KCNU1: variants seen among roughly 807,000 people sequenced by gnomAD.
KCNU1 encodes the protein potassium channel subfamily U member 1.
KCNU1 carries 93 observed loss-of-function variants against 126.8 expected under a neutral mutation model. The observed-to-expected ratio is 0.73, with a 90% CI of 0.62 to 0.87. The LOEUF is 0.87. KCNU1 is among the 40% of genes least tolerant of loss of function. The pLI is 0.00. For missense variants in KCNU1, 1,330 were observed against 1,367.1 expected (o/e 0.97, Z 0.43); for synonymous variants, 523 against 494.2 (o/e 1.06, Z -0.77).
Position 36,916,877 on chromosome 8 carries a change from T to C in KCNU1, c.2522-1946T>C, listed in dbSNP as rs377316483. Among the ~76,000 whole-genome samples the C allele has an allele frequency of 2.0e-4, 31 of 152,340 alleles. No individual in the cohort carries two copies. In the South Asian group the frequency reaches 2.1e-3, roughly 10 times the overall value. ...AGAAATTTAGTAGAAATCAGAAATA[T>C]ATTCAGCTCTACTCTGCATTAACAA... On this transcript the variant is annotated intron_variant, in intron 22 of 26. Transcript: ENST00000399881.
chr8:36,925,790 C>T (rs994383017), intron 24 of KCNU1, among the ~76,000 whole-genome samples: 5 of 152,164 alleles, frequency 3.3e-5, no homozygotes, highest in African/African-American at 9.7e-5. Flanking sequence ...AGAGTCACTA[C>T]CGCAGCTCCT....
chr8:36,803,000 C>A (rs1171005856), intron 2 of KCNU1, among the ~76,000 whole-genome samples: 2 of 152,160 alleles, frequency 1.3e-5, no homozygotes, highest in Admixed American at 6.5e-5. Context: ...ACATTAAAGA[C>A]CTTTCATGCC....
chr8:36,829,318 T>C (rs1237010680), intron 10 of KCNU1, among the ~76,000 whole-genome samples: 2 of 151,978 alleles, frequency 1.3e-5, no homozygotes, highest in East Asian at 1.9e-4. Context: ...AAAGCACTTA[T>C]TGTTTTTTGT....
At chr8:36,842,574 G>A (rs1804996364) in intron 16 of KCNU1, among the ~76,000 whole-genome samples, 2 of 152,332 alleles carry the variant, frequency 1.3e-5, no homozygotes, top group South Asian at 4.1e-4. Flanking sequence ...AAGCCAGGTA[G>A]TTCGGGTTTC....
intron 19 of KCNU1, among the ~76,000 whole-genome samples, chr8:36,901,665 C>A (rs1369334619): frequency 2.0e-5 from 3 of 152,108 alleles, no homozygotes; most frequent in Admixed American, 2.0e-4. Context: ...GAGATGGGAC[C>A]CTGAGAACAT....
chr8:36,841,043 T>G (rs1272735224), intron 16 of KCNU1, 40 bp downstream of exon 16: 10 of 1,285,840 alleles, frequency 7.8e-6, no homozygotes, highest in East Asian at 7.1e-5. Context: ...TGTTTTTTTT[T>G]TTTTTTTTTT....
At position 36,806,399 on chromosome 8, in the gene KCNU1, C is replaced by G; in HGVS notation, c.580+19C>G. ...TGGCTAGGTAAGTGTGCTCTGGGAA[C>G]GGGTAGCAATATCTATGAATAAAAT... On this transcript the variant is annotated intron_variant, in intron 5 of 26. Transcript: ENST00000399881. 1 of 1,277,042 alleles carries G rather than the reference C, an allele frequency of 7.8e-7. No homozygotes were observed. Among genetic ancestry groups the G allele is most frequent in the South Asian group, 1.3e-5 (1 of 77,284 alleles). 79.1% of individuals were successfully genotyped at this position (1,277,042 alleles called of 1,614,324 possible).
At chr8:36,886,690 G>T (rs1806717698) in intron 19 of KCNU1, among the ~76,000 whole-genome samples, 1 of 152,052 alleles carries the variant, frequency 6.6e-6, no homozygotes, top group South Asian at 2.1e-4. Context: ...GTGGTTTTTT[G>T]GTTATATGGA....
intron 2 of KCNU1, among the ~76,000 whole-genome samples, chr8:36,790,511 A>G (rs12541139): frequency 0.17 from 25,297 of 152,008 alleles, 2,253 homozygotes; most frequent in Admixed American, 0.29. Context: ...ACTATATGAA[A>G]TAAGACATTT....
At chr8:36,786,124 A>T (rs1802703372) in intron 1 of KCNU1, among the ~76,000 whole-genome samples, 1 of 152,134 alleles carries the variant, frequency 6.6e-6, no homozygotes, top group Admixed American at 6.5e-5. Context: ...AAAAAAAAAA[A>T]AAATCAGAAA....
At chr8:36,784,707 T>C in intron 1 of KCNU1, 102 bp downstream of exon 1, 1 of 946,302 alleles carries the variant, frequency 1.1e-6, no homozygotes, top group Non-Finnish European at 1.6e-6. Context: ...TTTTTCAAGC[T>C]AACAGAGTCA....
chr8:36,831,917 G>A (rs140771819), intron 10 of KCNU1, among the ~76,000 whole-genome samples: 46,363 of 151,868 alleles, frequency 0.31, 8,083 homozygotes, highest in African/African-American at 0.45. Flanking sequence ...TCTTTAATCC[G>A]TCTTGAATTG....
At position 36,805,526 on chromosome 8, in the gene KCNU1, A is replaced by G. The variant is rs577177772; in HGVS notation, c.468+241A>G. On this transcript the variant is annotated intron_variant, in intron 4 of 26. Transcript: ENST00000399881. ...AGTAATTCTTTTGTTAAATGCCATCATCGTGTTCCCATGGCCTCCTTACTG... is the reference window on the plus strand; with the variant it reads ...AGTAATTCTTTTGTTAAATGCCATCGTCGTGTTCCCATGGCCTCCTTACTG... 3.3e-5 allele frequency among the ~76,000 whole-genome samples: 5 copies of G among 152,326 alleles called. No homozygotes were observed. In the South Asian group the frequency reaches 1.0e-3, roughly 32 times the overall value.
At chr8:36,893,037 C>T (rs1231807689) in intron 19 of KCNU1, among the ~76,000 whole-genome samples, 1 of 152,172 alleles carries the variant, frequency 6.6e-6, no homozygotes, top group African/African-American at 2.4e-5. Context: ...TCTCAGCTCA[C>T]TGCAACATCT....
At chr8:36,827,771 G>A (rs1306418283) in intron 10 of KCNU1, among the ~76,000 whole-genome samples, 1 of 152,128 alleles carries the variant, frequency 6.6e-6, no homozygotes, top group Non-Finnish European at 1.5e-5. Flanking sequence ...CTCAGGAAAA[G>A]GGGGAAGTTT....
chr8:36,913,803 G>A (rs371516888), intron 22 of KCNU1, among the ~76,000 whole-genome samples: 4 of 151,914 alleles, frequency 2.6e-5, no homozygotes, highest in Non-Finnish European at 5.9e-5. Context: ...GGGTTTCACC[G>A]TGTTAGCCAG....
chr8:36,915,874 C>T (rs984051465), intron 22 of KCNU1, among the ~76,000 whole-genome samples: 9 of 150,668 alleles, frequency 6.0e-5, no homozygotes, highest in South Asian at 2.1e-4. Flanking sequence ...GTAACTGGGG[C>T]GAGGACTGTA....
intron 10 of KCNU1, among the ~76,000 whole-genome samples, chr8:36,823,728 A>G (rs1804211698): frequency 6.6e-6 from 1 of 152,096 alleles, no homozygotes; most frequent in Non-Finnish European, 1.5e-5. Flanking sequence ...AAGTTGAGTG[A>G]GAAATTTCTA....
chr8:36,935,826 A>T lies in KCNU1; in HGVS notation c.3356A>T (p.Gln1119Leu). ...AGAACAAACAGTATTATATCATCTC[A>T]GATACCTTTAGGTGACAATGCAAAA... ...QSRTNSIISS[Q>L]IPLGDNAKEN... The change falls in exon 27 of 27, where the codon CAG becomes CTG. Residue 1119 changes from glutamine (Q) to leucine (L), a missense_variant. By Grantham distance (113) the Gln-to-Leu change is moderately radical (BLOSUM62 -2). Transcript: ENST00000399881. 1 of 1,611,704 alleles carries T rather than the reference A, an allele frequency of 6.2e-7. No homozygotes were observed. The highest frequency in any genetic ancestry group is 8.5e-7 in the Non-Finnish European group (1 of 1,178,122).
Sources: allele counts gnomAD v4.1 joint callset (sites outside exome capture counted in the v4.1 genomes callset), GRCh38; gene constraint gnomAD v4.1.1; transcripts MANE v1.5; gene names NCBI Gene and HGNC (gene_info 2026-07-23, HGNC 2026-07-21).